Variants in SGCD observed in about 807,000 individuals in gnomAD.
SGCD encodes delta-sarcoglycan.
Under a neutral mutation model 36.6 loss-of-function variants are expected in SGCD, and 18 were observed. That is an observed-to-expected ratio of 0.49 (90% CI 0.34 to 0.73). The LOEUF (loss-of-function observed/expected upper bound fraction) is 0.73. SGCD is among the 30% of genes least tolerant of loss of function. The pLI, the probability that SGCD is intolerant of heterozygous loss-of-function variation, is 0.01. For synonymous variants in SGCD, 133 were observed against 130.6 expected, an observed-to-expected ratio of 1.02 and a Z score of -0.12; for missense variants, 387 against 346.7, an observed-to-expected ratio of 1.12 and a Z score of -0.92.
At chr5:156,603,020 A>T (rs1284361384) in intron 6 of SGCD, among the ~76,000 whole-genome samples, 1 of 143,792 alleles carries the variant, frequency 7.0e-6, no homozygotes, top group Non-Finnish European at 1.5e-5. Flanking sequence ...AATTAGTAAT[A>T]CTTCTTCTTT....
At chr5:156,346,789 T>A (rs1768969966) in intron 3 of SGCD, among the ~76,000 whole-genome samples, 1 of 151,590 alleles carries the variant, frequency 6.6e-6, no homozygotes, top group Non-Finnish European at 1.5e-5. Flanking sequence ...TTTATTTTTT[T>A]ATTTTTTTTA....
chr5:156,512,472 T>C (rs958249267), intron 4 of SGCD, among the ~76,000 whole-genome samples: 1 of 152,196 alleles, frequency 6.6e-6, no homozygotes, highest in Admixed American at 6.5e-5. Flanking sequence ...GGGTGTGTAG[T>C]AGAGTACACC....
At chr5:156,664,731 A>C (rs1231408131) in intron 7 of SGCD, among the ~76,000 whole-genome samples, 1 of 120,864 alleles carries the variant, frequency 8.3e-6, no homozygotes, top group Non-Finnish European at 1.7e-5. Context: ...TCTCCCAATC[A>C]TAAGGAATGA....
chr5:156,506,995 A>G (rs1274869699), intron 3 of SGCD, among the ~76,000 whole-genome samples: 1 of 152,204 alleles, frequency 6.6e-6, no homozygotes, highest in Non-Finnish European at 1.5e-5. Context: ...ATTGGCTGAT[A>G]ACCTCATGGC....
At chr5:156,702,866 C>T (rs1754580005) in intron 7 of SGCD, among the ~76,000 whole-genome samples, 1 of 152,028 alleles carries the variant, frequency 6.6e-6, no homozygotes, top group African/African-American at 2.4e-5. Flanking sequence ...ATAGTGTTTC[C>T]CTCCAGAGCA....
intron 3 of SGCD, among the ~76,000 whole-genome samples, chr5:156,209,787 C>A (rs954393628): frequency 6.6e-6 from 1 of 152,052 alleles, no homozygotes; most frequent in Admixed American, 6.6e-5. Flanking sequence ...CATTGAAGAC[C>A]CCAGTGCCAG....
At chr5:156,207,841 A>G (rs1261285783) in intron 3 of SGCD, among the ~76,000 whole-genome samples, 1 of 152,086 alleles carries the variant, frequency 6.6e-6, no homozygotes, top group Non-Finnish European at 1.5e-5. Flanking sequence ...ATATAATGTA[A>G]TTGATCATCT....
intron 3 of SGCD, among the ~76,000 whole-genome samples, chr5:156,359,106 G>A (rs955331118): frequency 6.6e-6 from 1 of 152,214 alleles, no homozygotes; most frequent in African/African-American, 2.4e-5. Flanking sequence ...TGGCTACCTT[G>A]TGGTATAATT....
intron 7 of SGCD, among the ~76,000 whole-genome samples, chr5:156,754,807 C>A (rs575509879): frequency 6.6e-6 from 1 of 152,200 alleles, no homozygotes; most frequent in East Asian, 1.9e-4. Flanking sequence ...TAACAAACCC[C>A]CCAATAACAC....
intron 3 of SGCD, among the ~76,000 whole-genome samples, chr5:156,307,423 A>G (rs1232829455): frequency 6.6e-6 from 1 of 152,216 alleles, no homozygotes; most frequent in Non-Finnish European, 1.5e-5. Context: ...ATTAGATCAC[A>G]TATTTAAATC....
intron 4 of SGCD, among the ~76,000 whole-genome samples, chr5:156,545,121 TTTTG>T (rs963638677): frequency 1.1e-4 from 16 of 152,218 alleles, no homozygotes; most frequent in East Asian, 1.9e-4. Context: ...TAGTGACTTT[TTTTG>T]TTTGTTTGTT....
rs576196059 is a variant in SGCD at position 156,339,152 on chromosome 5, T to C, written c.4-5337T>C. The stretch of plus-strand genomic sequence containing the variant: ...TAATTAATGATTACAGGTGGTTATA[T>C]TATATGATAGCATTGTCTTGTCTTT... On this transcript the variant is annotated intron_variant, in intron 2 of 8. Transcript: ENST00000337851. Among the ~76,000 whole-genome samples the C allele has an allele frequency of 7.9e-4, 110 of 138,664 alleles. 1 individual carries two copies. The highest frequency in any genetic ancestry group is 3.2e-3 in the African/African-American group (106 of 33,100). The allele number at this position is 138,664 out of a possible 152,430, so 91.0% of individuals were successfully genotyped here.
chr5:156,099,468 G>T (rs900113928), intron 1 of SGCD, among the ~76,000 whole-genome samples: 3 of 152,144 alleles, frequency 2.0e-5, no homozygotes, highest in Non-Finnish European at 4.4e-5. Flanking sequence ...AGAGTGGAAT[G>T]CAGTGGCGCC....
intron 3 of SGCD, among the ~76,000 whole-genome samples, chr5:156,345,997 C>T (rs1768916615): frequency 6.6e-6 from 1 of 151,892 alleles, no homozygotes; most frequent in African/African-American, 2.4e-5. Context: ...ATTATATTTA[C>T]CACTCCAGAT....
At chr5:156,107,469 A>T (rs1761676255) in intron 1 of SGCD, among the ~76,000 whole-genome samples, 1 of 152,168 alleles carries the variant, frequency 6.6e-6, no homozygotes, top group African/African-American at 2.4e-5. Flanking sequence ...TTCTGTTCCA[A>T]TTCAATAATT....
chr5:156,520,965 C>T (rs1037705820), intron 4 of SGCD, among the ~76,000 whole-genome samples: 2 of 134,262 alleles, frequency 1.5e-5, no homozygotes, highest in African/African-American at 2.8e-5. Context: ...TGCAGTGAGT[C>T]GAGATTGTGC....
Position 156,283,479 on chromosome 5 carries a change from G to C in SGCD, c.-43-46055G>C, listed in dbSNP as rs76086323. 2.3e-4 allele frequency among the ~76,000 whole-genome samples: 35 copies of C among 152,182 alleles called. 2 individuals are homozygous for C. The East Asian group carries it at 6.2e-3, about 27-fold the overall frequency. On this transcript the variant is annotated intron_variant, in intron 3 of 9. Transcript: ENST00000517913. ...GTATTTTTTTCCAAAAATTTACCAT[G>C]GGGCAGAAACTGTGATGAGCTGATG...
chr5:156,564,919 A>G (rs1253082066), intron 4 of SGCD, among the ~76,000 whole-genome samples: 1 of 152,196 alleles, frequency 6.6e-6, no homozygotes, highest in Non-Finnish European at 1.5e-5. Context: ...GATTTTAACA[A>G]TCTTGTAGCA....
chr5:156,746,634 T>A (rs759107273), intron 7 of SGCD, among the ~76,000 whole-genome samples: 21 of 152,334 alleles, frequency 1.4e-4, no homozygotes, highest in Non-Finnish European at 2.6e-4. Context: ...GGGGAAAGGA[T>A]TATCTTTTCA....
Sources: gnomAD v4.1 joint callset for allele counts (sites outside exome capture counted in the v4.1 genomes callset) on GRCh38, gnomAD v4.1.1 for gene constraint, MANE v1.5 for transcripts, NCBI Gene and HGNC (gene_info 2026-07-23, HGNC 2026-07-21) for gene names.